The following ZNF195 variants were observed in gnomAD, a reference collection of about 807,000 sequenced individuals.
The protein encoded by ZNF195 is zinc finger protein 195.
Under a neutral mutation model 19.5 loss-of-function variants are expected in ZNF195, and 11 were observed. The observed-to-expected ratio is 0.57, with a 90% confidence interval of 0.36 to 0.94. The LOEUF (loss-of-function observed/expected upper bound fraction) is 0.94, where lower values mean the gene tolerates loss of function less well. Ranked by LOEUF, ZNF195 falls within the 40% of genes least tolerant of loss-of-function variation. ZNF195 has a pLI of 0.01. For synonymous variants in ZNF195, 214 were observed against 248.1 expected, an observed-to-expected ratio of 0.86 and a Z score of 1.29; for missense variants, 582 against 709.0, an observed-to-expected ratio of 0.82 and a Z score of 2.03.
chr11:3,365,846 C>T (rs1486052024), intron 3 of ZNF195, among the ~76,000 whole-genome samples: 1 of 152,134 alleles, frequency 6.6e-6, no homozygotes, highest in East Asian at 1.9e-4. Flanking sequence ...GTATCCATGA[C>T]CACACAATGG....
chr11:3,358,985 CTT>C lies in ZNF195; in HGVS notation c.*131_*132del. The C allele has an allele frequency of 8.5e-7, 1 of 1,182,012 alleles. No homozygotes were observed. 73.2% of individuals were successfully genotyped at this position (1,182,012 alleles called of 1,614,324 possible). Reference sequence around the variant, plus strand: ...GAAATACTCTTGTGTGCTCTGGAGACTTATATTTCATGAAAGGTCTTTCAATA... The same window carrying C: ...GAAATACTCTTGTGTGCTCTGGAGACATATTTCATGAAAGGTCTTTCAATA... On this transcript the variant is annotated 3_prime_UTR_variant, in exon 6 of 6. Transcript: ENST00000399602.
At position 3,359,623 on chromosome 11, in the gene ZNF195, C is replaced by T. The variant is rs1225307924; in HGVS notation, c.1385G>A (p.Gly462Glu). Residue 462 changes from glycine (G) to glutamate (E), a missense_variant, in exon 6 of 6, where the codon GGA becomes GAA. Gly to Glu is a moderately conservative substitution (Grantham distance 98). This residue lies in a region of ZNF195 where 407 missense variants were observed against 530.5 expected (regional missense o/e 0.77). Coordinates refer to ENST00000399602, the MANE Select transcript of ZNF195 (RefSeq NM_001130520.3). This position sits in a 1 kb window ranked among gnomAD's most constrained non-coding sequence, Gnocchi z 5.5. ...HLSEHRRIHT[G>E]EKPYQCEECG... The stretch of plus-strand genomic sequence containing the variant: ...TTCTTCACATTGGTAGGGTTTCTCT[C>T]CGGTGTGAATCCTCCTGTGTTCACT... 3.7e-6 allele frequency: 6 copies of T among 1,613,988 alleles called. No homozygotes were observed. Among genetic ancestry groups the T allele is most frequent in the South Asian group, 1.1e-5 (1 of 91,076 alleles).
intron 1 of ZNF195, chr11:3,377,503 A>T (rs903850451): frequency 2.2e-6 from 2 of 892,074 alleles, no homozygotes; most frequent in African/African-American, 3.6e-5. Context: ...AAGGGCAGAA[A>T]TGATTTCGGT....
Position 3,359,941 on chromosome 11 carries a change from T to C in ZNF195, c.1067A>G (p.Tyr356Cys). The change falls in exon 6 of 6, where the codon TAT becomes TGT. Residue 356 changes from tyrosine (Y) to cysteine (C), a missense_variant. Physicochemically the swap from Tyr to Cys is radical, Grantham distance 194. Coordinates refer to ENST00000399602, the MANE Select transcript of ZNF195 (RefSeq NM_001130520.3). This position sits in a 1 kb window ranked among gnomAD's most constrained non-coding sequence, Gnocchi z 5.5. ...EHGTEEKPCK[Y>C]EECSSVFISC... ...GATAAAGACACTGCTGCACTCTTCA[T>C]ATTTGCAGGGTTTTTCCTCAGTACC... 1 of 1,614,226 alleles carries C rather than the reference T, an allele frequency of 6.2e-7. No homozygotes were observed.
intron 3 of ZNF195, among the ~76,000 whole-genome samples, chr11:3,366,029 G>A (rs536005590): frequency 2.0e-5 from 3 of 152,042 alleles, no homozygotes; most frequent in African/African-American, 4.8e-5. Flanking sequence ...AGGCCGAGGC[G>A]GGTGGATCAC....
At position 3,367,051 on chromosome 11, in the gene ZNF195, T is replaced by C. The variant is rs772679192; in HGVS notation, c.226+3924A>G. The C allele has an allele frequency of 1.5e-3, 413 of 283,068 alleles. 1 individual carries two copies. The highest frequency in any genetic ancestry group is 0.01 in the African/African-American group (391 of 38,362). 17.5% of individuals were successfully genotyped at this position (283,068 alleles called of 1,614,324 possible). ...CTGCACTACAGCCTGGGTGATAGAG[T>C]GAAACTCTGTGTAAAAAAAAAAAAA... On this transcript the variant is annotated intron_variant, in intron 3 of 5. Transcript: ENST00000399602.
intron 1 of ZNF195, among the ~76,000 whole-genome samples, chr11:3,378,265 G>A (rs1220407957): frequency 2.0e-5 from 3 of 151,960 alleles, no homozygotes; most frequent in Non-Finnish European, 2.9e-5. Flanking sequence ...AGCCGAGATC[G>A]CGCCACTGCA....
chr11:3,369,248 G>T, intron 3 of ZNF195: 1 of 232,630 alleles, frequency 4.3e-6, no homozygotes. Context: ...TGTTGATAAG[G>T]ATGTAAAGAA....
chr11:3,371,001 C>T lies in ZNF195; in HGVS notation c.200G>A (p.Arg67Lys). ...EQRKEPWNVK[R>K]QEAADGHPEM... ...TGGATGTCCGTCTGCTGCCTCCTGT[C>T]TCTTCACATTCCAGGGCTCTTTTCG... is the stretch of plus-strand genomic sequence containing the variant. The change falls in exon 3 of 6, where the codon AGA becomes AAA. Residue 67 changes from arginine (R) to lysine (K), a missense_variant. This residue lies in a region of ZNF195 where 129 missense variants were observed against 112.1 expected (regional missense o/e 1.15). Transcript: ENST00000399602. The T allele has an allele frequency of 1.2e-6, 2 of 1,614,130 alleles. No individual in the cohort carries two copies. The highest frequency in any genetic ancestry group is 1.3e-5 in the African/African-American group (1 of 75,038).
chr11:3,360,463 T>C lies in ZNF195; in HGVS notation c.545A>G (p.Asn182Ser). Residue 182 changes from asparagine to serine, a missense_variant, in exon 6 of 6, where the codon AAT becomes AGT. Physicochemically the swap from Asn to Ser is conservative, Grantham distance 46. Around this residue, in one of 3 missense-constraint regions of ZNF195, gnomAD observed 407 missense variants for 530.5 expected, o/e 0.77. Transcript: ENST00000399602. ...LRGYGNCGLDNLYLRKDWESL... is the reference protein window; with the variant it reads ...LRGYGNCGLDSLYLRKDWESL... Reference sequence around the variant, plus strand: ...TTCCCAGTCTTTCCTTAAATATAAATTATCAAGGCCACAATTTCCATATCC... The same window carrying C: ...TTCCCAGTCTTTCCTTAAATATAAACTATCAAGGCCACAATTTCCATATCC... 3 of 1,611,874 alleles carry C rather than the reference T, an allele frequency of 1.9e-6. No homozygotes were observed. Among genetic ancestry groups the C allele is most frequent in the South Asian group, 1.1e-5 (1 of 90,896 alleles).
rs1198802249 is a variant in ZNF195, at chr11:3,358,198, T to C, written c.*920A>G. 1.3e-5 allele frequency: 2 copies of C among 151,960 alleles called. No individual in the cohort carries two copies. Among genetic ancestry groups the C allele is most frequent in the South Asian group, 4.2e-4 (2 of 4,814 alleles). 9.4% of individuals were successfully genotyped at this position (151,960 alleles called of 1,614,324 possible). On this transcript the variant is annotated 3_prime_UTR_variant, in exon 6 of 6. Coordinates refer to ENST00000399602, the MANE Select transcript of ZNF195 (RefSeq NM_001130520.3). ...ATCCTGTAACTGTCTGCACAGTTAC[T>C]GGAGGGATCAGTGAAGGGGGGTTTG...
intron 3 of ZNF195, among the ~76,000 whole-genome samples, chr11:3,363,136 T>G (rs746037962): frequency 5.3e-5 from 8 of 152,224 alleles, no homozygotes; most frequent in Admixed American, 6.5e-5. Context: ...TACTGCTATT[T>G]TTTGCTTCAA....
intron 1 of ZNF195, among the ~76,000 whole-genome samples, chr11:3,373,133 A>T (rs1375769312): frequency 1.3e-5 from 2 of 152,212 alleles, no homozygotes; most frequent in Non-Finnish European, 2.9e-5. Context: ...AGTTATTCTG[A>T]GAGATAAATG....
chr11:3,373,959 C>T (rs1401070110), intron 1 of ZNF195, among the ~76,000 whole-genome samples: 1 of 152,208 alleles, frequency 6.6e-6, no homozygotes, highest in African/African-American at 2.4e-5. Context: ...CCTTTGGAAC[C>T]AAGGCTGAGC....
chr11:3,378,038 A>G (rs2412169), intron 1 of ZNF195: 532,043 of 701,492 alleles, frequency 0.76, 202,831 homozygotes, highest in Middle Eastern at 0.81. Flanking sequence ...GGCTGGGCGC[A>G]GTGGCTCACG....
In ZNF195 at chr11:3,371,073, G is replaced by A. The variant is rs1166560201; in HGVS notation, c.131-3C>T. On this transcript the variant is annotated splice_polypyrimidine_tract_variant and splice_region_variant and intron_variant, in intron 2 of 5. Coordinates refer to ENST00000399602, the MANE Select transcript of ZNF195 (RefSeq NM_001130520.3). ...GCCTGGCTTACAGACAGTGAGACCT[G>A]TTTTATTAGAAAAAAGTGACATTAC... The A allele has an allele frequency of 1.2e-5, 19 of 1,611,724 alleles. No homozygotes were observed. Among genetic ancestry groups the A allele is most frequent in the Non-Finnish European group, 1.6e-5 (19 of 1,178,278 alleles).
At chr11:3,373,024 A>G (rs1177351519) in intron 1 of ZNF195, among the ~76,000 whole-genome samples, 4 of 152,214 alleles carry the variant, frequency 2.6e-5, no homozygotes, top group Non-Finnish European at 4.4e-5. Context: ...ATGAGCCACC[A>G]TGCCCAGCAG....
intron 1 of ZNF195, chr11:3,377,656 C>T (rs1332319895): frequency 8.0e-7 from 1 of 1,248,240 alleles, no homozygotes; most frequent in Non-Finnish European, 1.0e-6. Context: ...TTCTCTCAGC[C>T]CAGGGCATCC....
At chr11:3,362,180 T>G (rs759613501) in intron 3 of ZNF195, 18 of 260,362 alleles carry the variant, frequency 6.9e-5, no homozygotes, top group Non-Finnish European at 1.4e-4. Context: ...AATAAAGGCT[T>G]TCTAACATAA....
Sources: allele counts gnomAD v4.1 joint callset (sites outside exome capture counted in the v4.1 genomes callset), GRCh38; gene constraint gnomAD v4.1.1; regional missense constraint gnomAD v4.1.1; non-coding constraint Gnocchi (gnomAD v3.1); transcripts MANE v1.5; gene names NCBI Gene and HGNC (gene_info 2026-07-23, HGNC 2026-07-21).